WDR70: variants seen among roughly 807,000 people sequenced by gnomAD.
WDR70 encodes WD repeat domain 70.
WDR70 carries 53 observed loss-of-function variants against 88.6 expected under a neutral mutation model. That is an observed-to-expected ratio of 0.60 (90% CI 0.48 to 0.75). The LOEUF (loss-of-function observed/expected upper bound fraction) is 0.75. WDR70 is among the 30% of genes least tolerant of loss of function. WDR70 has a pLI of 0.00. For missense variants in WDR70, 610 were observed against 823.2 expected (o/e 0.74, Z 3.17); for synonymous variants, 280 against 270.0 (o/e 1.04, Z -0.36).
intron 9 of WDR70, among the ~76,000 whole-genome samples, chr5:37,557,959 T>TTTGAAAAGTCTTC: frequency 6.8e-6 from 1 of 146,506 alleles, no homozygotes; most frequent in East Asian, 2.0e-4. Context: ...AAAAGAGTAT[T>TTTGAAAAGTCTTC]ATGTATATTT....
chr5:37,494,624 T>C (rs1315712686), intron 8 of WDR70, among the ~76,000 whole-genome samples: 1 of 152,204 alleles, frequency 6.6e-6, no homozygotes, highest in Non-Finnish European at 1.5e-5. Context: ...GTGTGATATC[T>C]AGAGCCTAAA....
Position 37,437,963 on chromosome 5 carries a change from G to A in WDR70, c.534G>A (p.Leu178=). The A allele has an allele frequency of 1.2e-6, 2 of 1,610,522 alleles. No individual in the cohort carries two copies. The highest frequency in any genetic ancestry group is 1.7e-6 in the Non-Finnish European group (2 of 1,178,338). Residue 178 remains leucine, a synonymous_variant, in exon 6 of 18, where the codon CTG becomes CTA. Transcript: ENST00000265107. ...TTCCTGACTCGCATGAGATAACGCT[G>A]AAGCATGGCACTAAAACAGTAAGTT... ...HKIPDSHEIT[L]KHGTKTVSAL...
chr5:37,538,019 C>T (rs1342243192), intron 9 of WDR70, among the ~76,000 whole-genome samples: 28 of 152,162 alleles, frequency 1.8e-4, no homozygotes. Context: ...ATCAGAGTGC[C>T]ACTCTGCTTT....
intron 9 of WDR70, among the ~76,000 whole-genome samples, chr5:37,519,725 C>T (rs1292884612): frequency 1.3e-5 from 2 of 152,102 alleles, no homozygotes; most frequent in Non-Finnish European, 2.9e-5. Context: ...CCAGATGGGG[C>T]GGCTGGGCAG....
chr5:37,712,139 C>G (rs184999167), intron 13 of WDR70, among the ~76,000 whole-genome samples: 2 of 151,828 alleles, frequency 1.3e-5, no homozygotes, highest in African/African-American at 4.8e-5. Context: ...ATTACAGGCA[C>G]CTGCCACCGC....
At chr5:37,582,182 T>G (rs1482563873) in intron 9 of WDR70, among the ~76,000 whole-genome samples, 1 of 152,160 alleles carries the variant, frequency 6.6e-6, no homozygotes, top group East Asian at 1.9e-4. Flanking sequence ...AATGGGTCAT[T>G]TTTACTGTTG....
At chr5:37,672,787 G>C (rs1322902753) in intron 10 of WDR70, among the ~76,000 whole-genome samples, 2 of 152,110 alleles carry the variant, frequency 1.3e-5, no homozygotes, top group Non-Finnish European at 2.9e-5. Flanking sequence ...TGGGCCCACT[G>C]TTCTTGCTCT....
Position 37,706,201 on chromosome 5 carries a change from T to C in WDR70, c.1416+3114T>C, listed in dbSNP as rs916275954. Among the ~76,000 whole-genome samples the C allele has an allele frequency of 5.3e-5, 8 of 152,366 alleles. 1 individual carries two copies. The South Asian group carries it at 1.7e-3, about 32-fold the overall frequency. ...TTGTCATATTCTTTGAAAAATTTCC[T>C]TTCTCTGTTCATTGTAGATTCTCAA... On this transcript the variant is annotated intron_variant, in intron 13 of 17. Coordinates refer to ENST00000265107, the MANE Select transcript of WDR70 (RefSeq NM_018034.4).
chr5:37,624,201 C>T (rs576125373), intron 10 of WDR70, among the ~76,000 whole-genome samples: 2 of 152,228 alleles, frequency 1.3e-5, no homozygotes, highest in African/African-American at 4.8e-5. Flanking sequence ...TTCTAACCCT[C>T]CCTTCCCTCT....
At chr5:37,647,492 G>T (rs1177019678) in intron 10 of WDR70, among the ~76,000 whole-genome samples, 3 of 152,150 alleles carry the variant, frequency 2.0e-5, no homozygotes, top group Non-Finnish European at 4.4e-5. Context: ...GTTTTGGCTT[G>T]TTTTTACCCA....
At chr5:37,719,989 C>T (rs76009477) in intron 13 of WDR70, among the ~76,000 whole-genome samples, 263 of 151,910 alleles carry the variant, frequency 1.7e-3, no homozygotes, top group African/African-American at 5.7e-3. Flanking sequence ...ACTACAGGCG[C>T]GTGCCACCAT....
intron 7 of WDR70, among the ~76,000 whole-genome samples, chr5:37,463,532 T>C (rs4449561): frequency 0.86 from 131,372 of 152,128 alleles, 59,942 homozygotes; most frequent in East Asian, 1. Flanking sequence ...CACCTTCCCA[T>C]TCCCTTCCAC....
At chr5:37,690,481 G>C (rs1029194436) in intron 10 of WDR70, among the ~76,000 whole-genome samples, 1 of 152,316 alleles carries the variant, frequency 6.6e-6, no homozygotes, top group South Asian at 2.1e-4. Flanking sequence ...TAACCACAAA[G>C]GGAAGCCCAT....
intron 3 of WDR70, among the ~76,000 whole-genome samples, chr5:37,382,386 C>T (rs1188056398): frequency 1.3e-5 from 2 of 151,616 alleles, no homozygotes; most frequent in African/African-American, 4.8e-5. Flanking sequence ...ACGTGAACCA[C>T]TGTGCCCCGC....
chr5:37,613,615 A>G (rs1371958140), intron 10 of WDR70, among the ~76,000 whole-genome samples: 1 of 152,210 alleles, frequency 6.6e-6, no homozygotes, highest in Admixed American at 6.5e-5. Context: ...TATTCCAGGC[A>G]AAGAAAATCT....
At chr5:37,728,471 C>T (rs1388322885) in intron 17 of WDR70, among the ~76,000 whole-genome samples, 1 of 152,018 alleles carries the variant, frequency 6.6e-6, no homozygotes, top group Non-Finnish European at 1.5e-5. Context: ...AGTCTCCTCC[C>T]ATCATAACAG....
chr5:37,664,591 A>G (rs1474204711), intron 10 of WDR70, among the ~76,000 whole-genome samples: 1 of 152,226 alleles, frequency 6.6e-6, no homozygotes, highest in Non-Finnish European at 1.5e-5. Context: ...CTACCATGAT[A>G]AAGTTGACCT....
chr5:37,467,777 C>T lies in WDR70; in HGVS notation c.687-12057C>T, dbSNP rs183983487. 2.0e-3 allele frequency among the ~76,000 whole-genome samples: 299 copies of T among 151,460 alleles called. 3 individuals carry two copies. The highest frequency in any genetic ancestry group is 5.9e-3 in the African/African-American group (242 of 41,216). On this transcript the variant is annotated intron_variant, in intron 7 of 17. Coordinates refer to ENST00000265107, the MANE Select transcript of WDR70 (RefSeq NM_018034.4). ...TTTCTCCCAGGCCGGACTGCAGTGG[C>T]GCTATCTCGGCTCACTGCAAGCTCC...
At chr5:37,470,621 T>C (rs1739298850) in intron 7 of WDR70, among the ~76,000 whole-genome samples, 1 of 152,206 alleles carries the variant, frequency 6.6e-6, no homozygotes, top group Non-Finnish European at 1.5e-5. Context: ...TTGATTATAT[T>C]TATAAAATAT....
Sources: gnomAD v4.1 joint callset for allele counts (sites outside exome capture counted in the v4.1 genomes callset) on GRCh38, gnomAD v4.1.1 for gene constraint, MANE v1.5 for transcripts, NCBI Gene and HGNC (gene_info 2026-07-23, HGNC 2026-07-21) for gene names.